The following BBOF1 variants were observed in gnomAD, a reference collection of about 807,000 sequenced individuals.
BBOF1 encodes basal body-orientation factor 1.
A neutral mutation model predicts 68.0 loss-of-function variants in BBOF1; 62 were observed. That is an observed-to-expected ratio of 0.91 (90% CI 0.74 to 1.13). The LOEUF (loss-of-function observed/expected upper bound fraction) is 1.13, where lower values mean the gene tolerates loss of function less well. BBOF1 is among the 50% of genes most tolerant of loss of function. The probability of loss-of-function intolerance (pLI) is 0.00; values close to 1 mark genes in which losing one functional copy is unlikely to be tolerated. For synonymous variants in BBOF1, 208 were observed against 198.8 expected (o/e 1.05, Z -0.39); for missense variants, 534 against 600.1 (o/e 0.89, Z 1.15).
rs2059988776 is a variant in BBOF1 at position 74,048,001 on chromosome 14, T to G, written c.719T>G (p.Leu240Arg). Residue 240 changes from leucine to arginine, a missense_variant, in exon 7 of 12, where the codon CTG (leucine) becomes CGG (arginine). Leu to Arg is a moderately radical substitution (Grantham distance 102, BLOSUM62 -2). Coordinates refer to ENST00000394009, the MANE Select transcript of BBOF1 (RefSeq NM_025057.3). ...DYLQKALAYH[L>R]KETDALQKNS... ...CTTCAGAAAGCTCTGGCATATCACC[T>G]GAAGGAAACTGACGCTCTACAAAAA... The G allele has an allele frequency of 6.2e-7, 1 of 1,613,224 alleles. No homozygotes were observed. Among genetic ancestry groups the G allele is most frequent in the East Asian group, 2.2e-5 (1 of 44,858 alleles).
At chr14:74,079,147 T>A (rs2060645064) in intron 10 of BBOF1, among the ~76,000 whole-genome samples, 1 of 151,704 alleles carries the variant, frequency 6.6e-6, no homozygotes, top group South Asian at 2.1e-4. Context: ...TAATTATCTT[T>A]ACCACATCTC....
At position 74,026,218 on chromosome 14, in the gene BBOF1, G is replaced by A. The variant is rs2059422647; in HGVS notation, c.286-2966G>A. Among the ~76,000 whole-genome samples, 3 of 151,374 alleles carry A rather than the reference G, an allele frequency of 2.0e-5. No individual in the cohort carries two copies. The East Asian group carries it at 5.8e-4, about 29-fold the overall frequency. ...AGCACTTTGGGAGTCCAAGGCGGGT[G>A]GATTACTGAGGTCAGCAGTTTGAGA... On this transcript the variant is annotated intron_variant, in intron 2 of 11. Coordinates refer to ENST00000394009, the MANE Select transcript of BBOF1 (RefSeq NM_025057.3).
Position 74,072,490 on chromosome 14 carries a change from T to C in BBOF1, n.1380-5706T>C, listed in dbSNP as rs1243676675. 2.5e-6 allele frequency: 4 copies of C among 1,613,598 alleles called. No individual in the cohort carries two copies. The Admixed American group carries it at 5.0e-5, about 20-fold the overall frequency. On this transcript the variant is annotated intron_variant and non_coding_transcript_variant, in intron 9 of 12. Coordinates refer to the BBOF1 transcript ENST00000492026. ...GGTCCCTTCTTGCCCATCATGTCCC[T>C]AGAATTCTAGGCTCATAAGTTGAAG...
chr14:74,037,573 A>AG (rs746785664), intron 4 of BBOF1, among the ~76,000 whole-genome samples: 63 of 148,652 alleles, frequency 4.2e-4, no homozygotes, highest in Non-Finnish European at 6.0e-4. Context: ...TACAGGCATG[A>AG]GCCACCATGC....
intron 11 of BBOF1, 85 bp from the exon 12 acceptor site, chr14:74,064,603 C>A: frequency 7.5e-7 from 1 of 1,325,912 alleles, no homozygotes; most frequent in Non-Finnish European, 1.1e-6. Context: ...CTTCCCCATG[C>A]TCTTTCCTCA....
chr14:74,056,587 C>T (rs1253991055), intron 9 of BBOF1, among the ~76,000 whole-genome samples: 1 of 152,090 alleles, frequency 6.6e-6, no homozygotes, highest in Non-Finnish European at 1.5e-5. Context: ...CCACTCACCT[C>T]GGCTTCCCAA....
At chr14:74,035,174 A>C (rs1364884322) in intron 4 of BBOF1, among the ~76,000 whole-genome samples, 1 of 152,182 alleles carries the variant, frequency 6.6e-6, no homozygotes, top group Non-Finnish European at 1.5e-5. Flanking sequence ...AAGTGCATAA[A>C]ATAGCACGTC....
intron 2 of BBOF1, among the ~76,000 whole-genome samples, chr14:74,025,402 G>A (rs2059400449): frequency 6.6e-6 from 1 of 152,090 alleles, no homozygotes; most frequent in African/African-American, 2.4e-5. Flanking sequence ...TCATTAACTA[G>A]CTTTCCCATA....
intron 1 of BBOF1, 134 bp downstream of exon 1, chr14:74,019,668 CAG>C: frequency 7.0e-7 from 1 of 1,420,876 alleles, no homozygotes; most frequent in Non-Finnish European, 9.5e-7. Context: ...GTGAGGATTA[CAG>C]CTCCCATGTC....
intron 5 of BBOF1, among the ~76,000 whole-genome samples, chr14:74,043,089 C>T (rs1218484793): frequency 2.6e-5 from 4 of 152,120 alleles, no homozygotes; most frequent in African/African-American, 4.8e-5. Context: ...AGCTTCATGG[C>T]ATTGGGCTTT....
downstream of BBOF1, chr14:74,066,816 A>G (rs1234898429): frequency 4.3e-6 from 7 of 1,613,882 alleles, no homozygotes; most frequent in Non-Finnish European, 5.1e-6. Flanking sequence ...TTCCACTATC[A>G]ATCAGATTAC....
chr14:74,055,395 C>T (rs1293669334), intron 8 of BBOF1, 189 bp from the exon 9 acceptor site: 7 of 482,170 alleles, frequency 1.5e-5, no homozygotes, highest in East Asian at 3.9e-5. Flanking sequence ...ATGATCCACC[C>T]GCCTCGGCCT....
Position 74,029,369 on chromosome 14 carries a change from A to G in BBOF1, c.351+120A>G, listed in dbSNP as rs545023705. On this transcript the variant is annotated intron_variant, in intron 3 of 11. Coordinates refer to ENST00000394009, the MANE Select transcript of BBOF1 (RefSeq NM_025057.3). ...GTTCTCTGGGCAGGCTAATGACCTT[A>G]AAGCTTGATTGTATAGAAATTCAAA... The G allele has an allele frequency of 3.9e-5, 24 of 614,616 alleles. 1 individual carries two copies. Among genetic ancestry groups the G allele is most frequent in the East Asian group, 3.5e-4 (12 of 34,002 alleles). 38.1% of individuals were successfully genotyped at this position (614,616 alleles called of 1,614,324 possible).
At chr14:74,023,955 A>G (rs1023087362) in intron 2 of BBOF1, among the ~76,000 whole-genome samples, 1 of 151,204 alleles carries the variant, frequency 6.6e-6, no homozygotes, top group East Asian at 1.9e-4. Flanking sequence ...AAAAGAAAAG[A>G]AAAAGGGAAG....
chr14:74,021,975 A>G (rs1202903583), intron 1 of BBOF1, among the ~76,000 whole-genome samples: 4 of 152,086 alleles, frequency 2.6e-5, no homozygotes, highest in Non-Finnish European at 4.4e-5. Flanking sequence ...CAGTTATACT[A>G]CCAATGGGTA....
chr14:74,072,192 A>T, intron 9 of BBOF1: 1 of 1,614,220 alleles, frequency 6.2e-7, no homozygotes, highest in Non-Finnish European at 8.5e-7. Context: ...CATACCATTT[A>T]GATTTCATAC....
chr14:74,040,496 T>A (rs2059806672), intron 4 of BBOF1, 69 bp from the exon 5 acceptor site: 8 of 925,118 alleles, frequency 8.6e-6, no homozygotes, highest in Non-Finnish European at 1.3e-5. Flanking sequence ...TTGATAATTT[T>A]CTGAGAATGT....
chr14:74,034,860 C>T (rs2059658840), intron 4 of BBOF1, among the ~76,000 whole-genome samples: 1 of 152,042 alleles, frequency 6.6e-6, no homozygotes, highest in Non-Finnish European at 1.5e-5. Flanking sequence ...GAGGCCAAGG[C>T]AGGATAATCT....
chr14:74,049,816 A>G lies in BBOF1; in HGVS notation c.907A>G (p.Thr303Ala). The G allele has an allele frequency of 6.2e-7, 1 of 1,614,198 alleles. No homozygotes were observed. The highest frequency in any genetic ancestry group is 8.5e-7 in the Non-Finnish European group (1 of 1,180,032). ...VNLETALSYMTKEFESEVLKL... is the reference protein window; with the variant it reads ...VNLETALSYMAKEFESEVLKL... ...CTTGGAGACTGCTCTGAGTTACATG[A>G]CCAAAGAGTTTGAGAGTGAAGTTTT... is the stretch of plus-strand genomic sequence containing the variant. Residue 303 changes from threonine to alanine, a missense_variant, in exon 8 of 12, where the codon ACC becomes GCC. Physicochemically the swap from Thr to Ala is moderately conservative, Grantham distance 58 (BLOSUM62 0). Coordinates refer to ENST00000394009, the MANE Select transcript of BBOF1 (RefSeq NM_025057.3).
Sources: allele counts gnomAD v4.1 joint callset (sites outside exome capture counted in the v4.1 genomes callset), GRCh38; gene constraint gnomAD v4.1.1; transcripts MANE v1.5; gene names NCBI Gene and HGNC (gene_info 2026-07-23, HGNC 2026-07-21).